Variants in PRTG observed in about 807,000 individuals in gnomAD.
PRTG encodes immunoglobulin superfamily, DCC subclass, member 5.
A neutral mutation model predicts 122.5 loss-of-function variants in PRTG; 67 were observed. The observed-to-expected ratio is 0.55, with a 90% CI of 0.45 to 0.67. The LOEUF is 0.67. Among genes scored for constraint, PRTG ranks in the 30% least tolerant of loss-of-function variants. The probability of loss-of-function intolerance (pLI) is 0.00; values close to 1 mark genes in which losing one functional copy is unlikely to be tolerated. For synonymous variants in PRTG, 554 were observed against 501.1 expected, an observed-to-expected ratio of 1.11 and a Z score of -1.41; for missense variants, 1,435 against 1,415.4, an observed-to-expected ratio of 1.01 and a Z score of -0.22.
At chr15:55,709,349 T>A in intron 2 of PRTG, among the ~76,000 whole-genome samples, 1 of 146,996 alleles carries the variant, frequency 6.8e-6, no homozygotes, top group Admixed American at 6.8e-5. Context: ...ATATATATAT[T>A]ATATATAAAA....
At chr15:55,650,835 T>C (rs1396842913) in intron 11 of PRTG, among the ~76,000 whole-genome samples, 1 of 152,080 alleles carries the variant, frequency 6.6e-6, no homozygotes, top group East Asian at 1.9e-4. Context: ...GGCATGATAG[T>C]GCATTCCTAT....
At chr15:55,738,946 G>A (rs2031525536) in intron 2 of PRTG, among the ~76,000 whole-genome samples, 3 of 148,968 alleles carry the variant, frequency 2.0e-5, no homozygotes, top group African/African-American at 7.4e-5. Flanking sequence ...GGAAGGGAGG[G>A]AGAGGGAGGG....
At chr15:55,672,874 A>AT (rs1456242638) in intron 10 of PRTG, among the ~76,000 whole-genome samples, 1 of 152,020 alleles carries the variant, frequency 6.6e-6, no homozygotes, top group African/African-American at 2.4e-5. Context: ...TGGACATTTA[A>AT]TTTTTTTTCA....
In PRTG at chr15:55,734,966, T is replaced by A. The variant is rs147341583; in HGVS notation, c.397+5416A>T. On this transcript the variant is annotated intron_variant, in intron 2 of 19. Transcript: ENST00000389286. Reference sequence around the variant, plus strand: ...TTTACTGTGAGCTTGCTCTGCTCTGTGCAGCATACCATGTTAGGGCAACTG... The same window carrying A: ...TTTACTGTGAGCTTGCTCTGCTCTGAGCAGCATACCATGTTAGGGCAACTG... 4.4e-3 allele frequency among the ~76,000 whole-genome samples: 668 copies of A among 152,350 alleles called. 5 individuals are homozygous for A. Among genetic ancestry groups the A allele is most frequent in the African/African-American group, 0.015 (640 of 41,584 alleles).
intron 11 of PRTG, among the ~76,000 whole-genome samples, chr15:55,660,648 G>A (rs1595627247): frequency 6.6e-6 from 1 of 152,214 alleles, no homozygotes; most frequent in East Asian, 1.9e-4. Flanking sequence ...TTGAAAGTTT[G>A]GGCCTACCAG....
chr15:55,652,652 G>A (rs1219493819), intron 11 of PRTG, among the ~76,000 whole-genome samples: 1 of 152,172 alleles, frequency 6.6e-6, no homozygotes, highest in Non-Finnish European at 1.5e-5. Context: ...AGCAGCAGAG[G>A]AGCAGGAAAA....
chr15:55,634,619 T>C (rs1001021515), intron 15 of PRTG, among the ~76,000 whole-genome samples: 2 of 151,964 alleles, frequency 1.3e-5, no homozygotes, highest in South Asian at 2.1e-4. Flanking sequence ...GGTGGGCAGA[T>C]TGCCTGAGCT....
chr15:55,637,707 G>C (rs1184649062), intron 14 of PRTG, among the ~76,000 whole-genome samples: 2 of 151,962 alleles, frequency 1.3e-5, no homozygotes, highest in East Asian at 1.9e-4. Context: ...AACATGTATA[G>C]AACATCAACT....
At chr15:55,738,945 G>A (rs1185679456) in intron 2 of PRTG, among the ~76,000 whole-genome samples, 2 of 149,162 alleles carry the variant, frequency 1.3e-5, no homozygotes, top group East Asian at 4.0e-4. Flanking sequence ...AGGAAGGGAG[G>A]GAGAGGGAGG....
intron 18 of PRTG, among the ~76,000 whole-genome samples, chr15:55,621,423 T>A (rs1340121096): frequency 2.0e-5 from 3 of 151,786 alleles, no homozygotes; most frequent in African/African-American, 7.3e-5. Context: ...TTTGAGAGGC[T>A]GAGGCGGGCG....
chr15:55,680,429 T>G, intron 5 of PRTG, 62 bp downstream of exon 5: 1 of 1,480,080 alleles, frequency 6.8e-7, no homozygotes, highest in Non-Finnish European at 9.0e-7. Context: ...ATTTTATAAA[T>G]TTCATTAGAA....
rs1430795115 is a variant in PRTG at position 55,616,948 on chromosome 15, T to C, written c.*3064A>G. The C allele has an allele frequency of 1.3e-5, 2 of 152,116 alleles. No individual in the cohort carries two copies. The highest frequency in any genetic ancestry group is 4.8e-5 in the African/African-American group (2 of 41,438). 9.4% of individuals were successfully genotyped at this position (152,116 alleles called of 1,614,324 possible). On this transcript the variant is annotated 3_prime_UTR_variant, in exon 20 of 20. Transcript: ENST00000389286. ...TTGGTATGAAAATACTGATGAGCAG[T>C]ATCTTGTAATATTTGGCATAAAAAT...
intron 13 of PRTG, 34 bp from the exon 14 acceptor site, chr15:55,638,710 G>T (rs778253147): frequency 2.2e-5 from 35 of 1,592,526 alleles, no homozygotes; most frequent in Non-Finnish European, 3.0e-5. Context: ...GTTAATGCTG[G>T]TAGTATAATA....
intron 2 of PRTG, among the ~76,000 whole-genome samples, chr15:55,712,659 A>G (rs1288886056): frequency 6.6e-6 from 1 of 152,230 alleles, no homozygotes; most frequent in Non-Finnish European, 1.5e-5. Context: ...TGCCAAGTAC[A>G]GATATAGCTC....
intron 11 of PRTG, among the ~76,000 whole-genome samples, chr15:55,651,708 T>C (rs576800751): frequency 5.3e-5 from 8 of 152,328 alleles, no homozygotes; most frequent in South Asian, 4.1e-4. Flanking sequence ...TAGGTCTTTG[T>C]TGCTTTCAGG....
intron 2 of PRTG, among the ~76,000 whole-genome samples, chr15:55,737,458 CT>C (rs755407896): frequency 1.2e-4 from 18 of 152,174 alleles, no homozygotes; most frequent in Non-Finnish European, 2.2e-4. Flanking sequence ...CAGCCCTGCT[CT>C]GATGTGCTTG....
At chr15:55,630,129 G>C (rs1206757272) in intron 15 of PRTG, among the ~76,000 whole-genome samples, 1 of 151,972 alleles carries the variant, frequency 6.6e-6, no homozygotes, top group Non-Finnish European at 1.5e-5. Context: ...TGGGACTATA[G>C]GCGCCCGCCA....
At position 55,680,133 on chromosome 15, in the gene PRTG, A is replaced by T; in HGVS notation, c.894T>A (p.His298Gln). ...TGGCCCGACAAACATATACTCCAGCATGTTGTAGCCTGACATCAGATATCA... is the reference window on the plus strand; with the variant it reads ...TGGCCCGACAAACATATACTCCAGCTTGTTGTAGCCTGACATCAGATATCA... ...NLMISDVRLQ[H>Q]AGVYVCRATT... The change falls in exon 6 of 20, where the codon CAT becomes CAA. Residue 298 changes from histidine to glutamine, a missense_variant. His to Gln is a conservative substitution (Grantham distance 24). Coordinates refer to ENST00000389286, the MANE Select transcript of PRTG (RefSeq NM_173814.6). 6.2e-7 allele frequency: 1 copy of T among 1,613,242 alleles called. No individual in the cohort carries two copies. Among genetic ancestry groups the T allele is most frequent in the Non-Finnish European group, 8.5e-7 (1 of 1,179,234 alleles).
intron 15 of PRTG, among the ~76,000 whole-genome samples, chr15:55,632,721 C>G (rs1718905204): frequency 6.6e-6 from 1 of 152,216 alleles, no homozygotes; most frequent in Non-Finnish European, 1.5e-5. Context: ...CTTTTACTAT[C>G]TCTATCACTT....
Sources: gnomAD v4.1 joint callset for allele counts (sites outside exome capture counted in the v4.1 genomes callset) on GRCh38, gnomAD v4.1.1 for gene constraint, MANE v1.5 for transcripts, NCBI Gene and HGNC (gene_info 2026-07-23, HGNC 2026-07-21) for gene names.